KIF14: variants seen among roughly 807,000 people sequenced by gnomAD.
KIF14 encodes the protein kinesin-like protein KIF14.
In KIF14, 98 loss-of-function variants were observed where a neutral mutation model predicts 176.2. That is an observed-to-expected ratio of 0.56 (90% confidence interval 0.47 to 0.66). KIF14 has a LOEUF of 0.66. Among genes scored for constraint, KIF14 ranks in the 30% least tolerant of loss-of-function variants. The probability of loss-of-function intolerance (pLI) is 0.00; values close to 1 mark genes in which losing one functional copy is unlikely to be tolerated. For missense variants in KIF14, 1,751 were observed against 1,920.4 expected, an observed-to-expected ratio of 0.91 and a Z score of 1.65; for synonymous variants, 566 against 632.2, an observed-to-expected ratio of 0.90 and a Z score of 1.57.
intron 19 of KIF14, 115 bp downstream of exon 19, chr1:200,585,986 C>T (rs1028152034): frequency 5.9e-6 from 4 of 678,140 alleles, no homozygotes; most frequent in Non-Finnish European, 8.8e-6. Context: ...AAGTCAACAA[C>T]TAGAATAAAG....
chr1:200,600,254 T>A, intron 12 of KIF14, 102 bp downstream of exon 12: 1 of 1,323,258 alleles, frequency 7.6e-7, no homozygotes, highest in Non-Finnish European at 1.1e-6. Context: ...GCTCTATTCA[T>A]AAGGAAGGTC....
intron 26 of KIF14, among the ~76,000 whole-genome samples, 156 bp downstream of exon 26, chr1:200,560,566 C>A (rs1657084314): frequency 6.6e-6 from 1 of 152,200 alleles, no homozygotes; most frequent in South Asian, 2.1e-4. Flanking sequence ...GCCACCACAC[C>A]CGGCCCAAAC....
intron 22 of KIF14, among the ~76,000 whole-genome samples, chr1:200,572,090 T>C: frequency 6.6e-6 from 1 of 152,224 alleles, no homozygotes; most frequent in Non-Finnish European, 1.5e-5. Flanking sequence ...AATTCTGTCA[T>C]AAACATTGTT....
chr1:200,617,654 C>G lies in KIF14; in HGVS notation c.1070G>C (p.Ser357Thr), dbSNP rs759092690. 23 of 1,613,592 alleles carry G rather than the reference C, an allele frequency of 1.4e-5. No homozygotes were observed. In the South Asian group the frequency reaches 2.2e-4, roughly 15 times the overall value. The change falls in exon 2 of 30, where the codon AGT becomes ACT. Residue 357 changes from serine (S) to threonine (T), a missense_variant. Ser to Thr is a moderately conservative substitution (Grantham distance 58). Coordinates refer to ENST00000367350, the MANE Select transcript of KIF14 (RefSeq NM_014875.3). Reference protein sequence around the residue: ...AGKDPLKVENSQVTVAVRVRP... With the variant: ...AGKDPLKVENTQVTVAVRVRP... ...TACGCGTACTGCCACTGTCACTTGA[C>G]TATTCTCTACTTTTAAGGGGTCTTT...
intron 3 of KIF14, among the ~76,000 whole-genome samples, chr1:200,614,652 G>A (rs2102777465): frequency 6.6e-6 from 1 of 152,054 alleles, no homozygotes; most frequent in South Asian, 2.1e-4. Flanking sequence ...GAATTGTTGT[G>A]AAAGAATATA....
intron 6 of KIF14, among the ~76,000 whole-genome samples, chr1:200,606,450 G>T (rs2102746941): frequency 6.6e-6 from 1 of 152,202 alleles, no homozygotes; most frequent in African/African-American, 2.4e-5. Flanking sequence ...GTGAAAGGAA[G>T]GGGTAAAAGA....
chr1:200,586,790 C>CATATATATATATATATATATATAT (rs10610890), intron 18 of KIF14, among the ~76,000 whole-genome samples: 86 of 128,274 alleles, frequency 6.7e-4, no homozygotes, highest in Non-Finnish European at 1.2e-3. Context: ...TATATACATA[C>CATATATATATATATATATATATAT]ATATATATAT....
chr1:200,612,147 C>T (rs1419075200), intron 4 of KIF14, among the ~76,000 whole-genome samples: 2 of 152,046 alleles, frequency 1.3e-5, no homozygotes, highest in South Asian at 2.1e-4. Flanking sequence ...GGATTACAGG[C>T]GCCCACCACC....
chr1:200,555,576 T>C, intron 27 of KIF14, 122 bp from the exon 28 acceptor site: 1 of 461,288 alleles, frequency 2.2e-6, no homozygotes, highest in East Asian at 3.6e-5. Flanking sequence ...TGGAGCTCTA[T>C]TTCTGGGATT....
intron 4 of KIF14, among the ~76,000 whole-genome samples, chr1:200,610,447 T>G (rs918589923): frequency 4.7e-5 from 7 of 150,474 alleles, no homozygotes; most frequent in African/African-American, 7.4e-5. Flanking sequence ...GAGGCAGAGC[T>G]TGCAGTGAGC....
At chr1:200,567,561 C>T (rs959484307) in intron 23 of KIF14, among the ~76,000 whole-genome samples, 1 of 147,394 alleles carries the variant, frequency 6.8e-6, no homozygotes, top group Admixed American at 6.8e-5. Flanking sequence ...CTAAAACCAA[C>T]TGATTATCTA....
intron 4 of KIF14, among the ~76,000 whole-genome samples, chr1:200,609,643 C>T (rs113678087): frequency 5.9e-5 from 9 of 152,066 alleles, no homozygotes; most frequent in Admixed American, 3.3e-4. Context: ...AGTGAGACTC[C>T]ATCTCAAAAA....
intron 5 of KIF14, 35 bp from the exon 6 acceptor site, chr1:200,606,833 T>C (rs771371724): frequency 2.0e-6 from 3 of 1,500,622 alleles, no homozygotes; most frequent in Non-Finnish European, 2.8e-6. Flanking sequence ...ATTAGGAGTA[T>C]GACAAATATT....
chr1:200,618,561 T>G lies in KIF14; in HGVS notation c.163A>C (p.Arg55=). The part of the protein sequence containing the change: ...SECENDDPLL[R]SAGKVRDINR... ...ATGTCTCTGACTTTACCTGCAGATCTCAATAATGGATCATCATTTTCACAT... is the reference window on the plus strand; with the variant it reads ...ATGTCTCTGACTTTACCTGCAGATCGCAATAATGGATCATCATTTTCACAT... The change falls in exon 2 of 30, where the codon AGA becomes CGA. Residue 55 remains arginine, a synonymous_variant. Transcript: ENST00000367350. 1 of 1,614,218 alleles carries G rather than the reference T, an allele frequency of 6.2e-7. No individual in the cohort carries two copies. The highest frequency in any genetic ancestry group is 8.5e-7 in the Non-Finnish European group (1 of 1,180,034).
chr1:200,595,082 A>G (rs955337264), intron 14 of KIF14, among the ~76,000 whole-genome samples: 5 of 152,044 alleles, frequency 3.3e-5, no homozygotes, highest in African/African-American at 1.2e-4. Context: ...CCATATGAAT[A>G]CTCTGAATTT....
intron 13 of KIF14, among the ~76,000 whole-genome samples, chr1:200,599,708 A>C (rs1659532615): frequency 6.6e-6 from 1 of 152,198 alleles, no homozygotes; most frequent in South Asian, 2.1e-4. Context: ...CTCTCTCTGG[A>C]TCACAAGCTC....
intron 6 of KIF14, among the ~76,000 whole-genome samples, 172 bp downstream of exon 6, chr1:200,606,574 A>C (rs752749802): frequency 6.6e-6 from 1 of 152,180 alleles, no homozygotes; most frequent in Non-Finnish European, 1.5e-5. Flanking sequence ...ACTCTATGGA[A>C]AGAGAGGGAA....
chr1:200,569,974 A>G lies in KIF14; in HGVS notation c.3598T>C (p.Ser1200Pro). ...SRSLMKNRRI[S>P]GCLHDIQVHP... ...ACTTGTATGTCATGTAAACAACCAG[A>G]AATTCTTCTGTTCTTCATCAAACTC... The change falls in exon 23 of 30, where the codon TCT becomes CCT. Residue 1200 changes from serine to proline, a missense_variant. Transcript: ENST00000367350. 6.2e-7 allele frequency: 1 copy of G among 1,603,906 alleles called. No homozygotes were observed. The highest frequency in any genetic ancestry group is 8.5e-7 in the Non-Finnish European group (1 of 1,172,780).
In KIF14 at chr1:200,606,773, T is replaced by A; in HGVS notation, c.1580A>T (p.Tyr527Phe). 2 of 1,613,580 alleles carry A rather than the reference T, an allele frequency of 1.2e-6. No individual in the cohort carries two copies. The highest frequency in any genetic ancestry group is 1.7e-6 in the Non-Finnish European group (2 of 1,179,784). The part of the protein sequence containing the change: ...QPLRVREHPV[Y>F]GPYVEALSMN... Reference sequence around the variant, plus strand: ...TGACAGTGCTTCAACATATGGTCCATAAACAGGATGTTCCCTCACTCTCAG... The same window carrying A: ...TGACAGTGCTTCAACATATGGTCCAAAAACAGGATGTTCCCTCACTCTCAG... The change falls in exon 6 of 30, where the codon TAT becomes TTT. Residue 527 changes from tyrosine (Y) to phenylalanine (F), a missense_variant. Tyr to Phe is a conservative substitution (Grantham distance 22). Transcript: ENST00000367350.
Sources: allele counts gnomAD v4.1 joint callset (sites outside exome capture counted in the v4.1 genomes callset), GRCh38; gene constraint gnomAD v4.1.1; transcripts MANE v1.5; gene names NCBI Gene and HGNC (gene_info 2026-07-23, HGNC 2026-07-21).